Variants in IMPG1 observed in about 807,000 individuals in gnomAD.
The protein encoded by IMPG1 is interphotoreceptor matrix proteoglycan 1.
A neutral mutation model predicts 92.0 loss-of-function variants in IMPG1; 85 were observed. That is an observed-to-expected ratio of 0.92 (90% CI 0.78 to 1.11). The LOEUF (loss-of-function observed/expected upper bound fraction) is 1.11, where lower values mean the gene tolerates loss of function less well. Among genes scored for constraint, IMPG1 ranks in the 50% least tolerant of loss-of-function variants. The pLI is 0.00. For synonymous variants in IMPG1, 367 were observed against 334.1 expected, an observed-to-expected ratio of 1.10 and a Z score of -1.08; for missense variants, 1,022 against 956.0, an observed-to-expected ratio of 1.07 and a Z score of -0.91.
intron 12 of IMPG1, among the ~76,000 whole-genome samples, chr6:75,981,355 T>A (rs1451732337): frequency 6.6e-6 from 1 of 152,196 alleles, no homozygotes; most frequent in African/African-American, 2.4e-5. Context: ...AAATCCATAA[T>A]GTGATCACAT....
chr6:76,006,000 TA>T (rs1383958544), intron 9 of IMPG1, among the ~76,000 whole-genome samples: 1 of 152,070 alleles, frequency 6.6e-6, no homozygotes, highest in African/African-American at 2.4e-5. Flanking sequence ...GGGCTAATTT[TA>T]AATTTTTTTG....
chr6:75,929,571 G>T, intron 15 of IMPG1, among the ~76,000 whole-genome samples: 1 of 115,196 alleles, frequency 8.7e-6, no homozygotes, highest in Non-Finnish European at 1.7e-5. Context: ...AGGGGGGAGG[G>T]ATAGCATTAG....
intron 12 of IMPG1, among the ~76,000 whole-genome samples, chr6:75,967,611 G>A (rs372889895): frequency 6.6e-6 from 1 of 151,988 alleles, no homozygotes; most frequent in East Asian, 1.9e-4. Context: ...CCAAATGAAC[G>A]AAGACACCCC....
intron 1 of IMPG1, among the ~76,000 whole-genome samples, chr6:76,046,514 G>A (rs536448712): frequency 6.6e-6 from 1 of 152,228 alleles, no homozygotes; most frequent in East Asian, 1.9e-4. Context: ...ACTTAAATAT[G>A]TTCATTACTT....
chr6:75,990,034 A>G (rs1782788348), intron 12 of IMPG1, among the ~76,000 whole-genome samples: 1 of 152,188 alleles, frequency 6.6e-6, no homozygotes, highest in Non-Finnish European at 1.5e-5. Context: ...CCAAAAACCA[A>G]TAAACATATG....
At chr6:75,936,380 G>A (rs760329303) in intron 14 of IMPG1, among the ~76,000 whole-genome samples, 23 of 152,148 alleles carry the variant, frequency 1.5e-4, no homozygotes, top group Non-Finnish European at 1.8e-4. Context: ...TTTGTTGATC[G>A]CTTATTTTAT....
chr6:75,945,359 T>TC (rs1781909040), intron 14 of IMPG1, among the ~76,000 whole-genome samples: 3 of 100,828 alleles, frequency 3.0e-5, no homozygotes, highest in African/African-American at 1.1e-4. Flanking sequence ...TTTTTTTTTC[T>TC]TTTTTTTTTT....
intron 7 of IMPG1, among the ~76,000 whole-genome samples, chr6:76,018,025 G>A (rs959525569): frequency 6.6e-6 from 1 of 152,172 alleles, no homozygotes; most frequent in Non-Finnish European, 1.5e-5. Context: ...TTACAGGCAT[G>A]AGCCACCGCG....
intron 14 of IMPG1, among the ~76,000 whole-genome samples, chr6:75,936,631 C>T (rs1393767533): frequency 6.6e-6 from 1 of 152,216 alleles, no homozygotes; most frequent in Non-Finnish European, 1.5e-5. Context: ...TCTCAATAAT[C>T]CTTTTTTGTG....
intron 12 of IMPG1, among the ~76,000 whole-genome samples, chr6:75,959,420 T>G (rs1393155745): frequency 1.3e-5 from 2 of 152,154 alleles, no homozygotes; most frequent in Non-Finnish European, 2.9e-5. Flanking sequence ...GCTGCTCTCT[T>G]CAGAGCCGGC....
At chr6:75,974,396 CT>C (rs1165868345) in intron 12 of IMPG1, among the ~76,000 whole-genome samples, 141 of 98,316 alleles carry the variant, frequency 1.4e-3, no homozygotes, top group African/African-American at 5.2e-3. Context: ...TCTTTCTTTT[CT>C]TTCTTTCCTT....
intron 15 of IMPG1, among the ~76,000 whole-genome samples, chr6:75,925,040 A>T (rs1781527862): frequency 6.6e-6 from 1 of 151,590 alleles, no homozygotes; most frequent in Admixed American, 6.6e-5. Flanking sequence ...TAGGTGGGAT[A>T]AGTTCTGGTG....
At chr6:76,049,594 A>C (rs952641654) in intron 1 of IMPG1, among the ~76,000 whole-genome samples, 1 of 152,250 alleles carries the variant, frequency 6.6e-6, no homozygotes, top group African/African-American at 2.4e-5. Flanking sequence ...AACACACAAT[A>C]TACAGAAAGT....
At chr6:75,996,051 TC>T (rs1269545059) in intron 12 of IMPG1, among the ~76,000 whole-genome samples, 2 of 152,226 alleles carry the variant, frequency 1.3e-5, no homozygotes, top group Non-Finnish European at 2.9e-5. Flanking sequence ...TTCATTGAAG[TC>T]CTTTTTACTC....
chr6:75,960,298 C>T (rs911894275), intron 12 of IMPG1, among the ~76,000 whole-genome samples: 2 of 152,104 alleles, frequency 1.3e-5, no homozygotes, highest in South Asian at 2.1e-4. Context: ...AGCTTCAGAC[C>T]AGAGCTGTTC....
intron 12 of IMPG1, among the ~76,000 whole-genome samples, chr6:75,956,801 C>G (rs1048377935): frequency 9.9e-5 from 15 of 152,238 alleles, no homozygotes; most frequent in Admixed American, 9.8e-4. Context: ...TGTCTTTGTT[C>G]TCATTGGTTT....
chr6:76,028,657 G>T (rs186918979), intron 4 of IMPG1, among the ~76,000 whole-genome samples: 2 of 152,058 alleles, frequency 1.3e-5, no homozygotes. Context: ...ATGAAACCCC[G>T]TCTCTACTAA....
At chr6:76,052,917 T>C (rs768748478) in intron 1 of IMPG1, among the ~76,000 whole-genome samples, 26 of 152,114 alleles carry the variant, frequency 1.7e-4, no homozygotes, top group Non-Finnish European at 3.5e-4. Context: ...TTGGTGAAGA[T>C]TTCATACATG....
At chr6:76,050,815 G>T (rs1562384513) in intron 1 of IMPG1, among the ~76,000 whole-genome samples, 1 of 152,040 alleles carries the variant, frequency 6.6e-6, no homozygotes, top group Admixed American at 6.5e-5. Flanking sequence ...ATTTAACCTT[G>T]TAGGCATACA....
Sources: allele counts gnomAD v4.1 joint callset (sites outside exome capture counted in the v4.1 genomes callset), GRCh38; gene constraint gnomAD v4.1.1; transcripts MANE v1.5; gene names NCBI Gene and HGNC (gene_info 2026-07-23, HGNC 2026-07-21).